SYN3: variants seen among roughly 807,000 people sequenced by gnomAD.
SYN3 encodes the protein synapsin III.
Under a neutral mutation model 65.8 loss-of-function variants are expected in SYN3, and 35 were observed. That is an observed-to-expected ratio of 0.53 (90% CI 0.41 to 0.70). SYN3 has a LOEUF of 0.70. Among genes scored for constraint, SYN3 ranks in the 30% least tolerant of loss-of-function variants. The probability of loss-of-function intolerance (pLI) is 0.00; values close to 1 mark genes in which losing one functional copy is unlikely to be tolerated. For synonymous variants in SYN3, 270 were observed against 292.9 expected, an observed-to-expected ratio of 0.92 and a Z score of 0.80; for missense variants, 680 against 749.0, an observed-to-expected ratio of 0.91 and a Z score of 1.08.
chr22:32,652,847 C>T (rs1197753205), intron 6 of SYN3, among the ~76,000 whole-genome samples: 3 of 152,174 alleles, frequency 2.0e-5, no homozygotes, highest in African/African-American at 7.2e-5. Context: ...CTCCACCCCA[C>T]AGAATTGCCT....
At chr22:33,009,621 A>G (rs1291905771) in intron 1 of SYN3, among the ~76,000 whole-genome samples, 1 of 152,088 alleles carries the variant, frequency 6.6e-6, no homozygotes, top group African/African-American at 2.4e-5. Context: ...CAACTCTTAA[A>G]AAAGTGAATT....
intron 2 of SYN3, among the ~76,000 whole-genome samples, chr22:32,983,753 C>T (rs1379860920): frequency 1.3e-5 from 2 of 152,124 alleles, no homozygotes; most frequent in African/African-American, 4.8e-5. Context: ...GACACCAGGA[C>T]AAGCCCATGT....
chr22:32,619,204 C>T (rs147083630), intron 6 of SYN3, among the ~76,000 whole-genome samples: 5 of 152,142 alleles, frequency 3.3e-5, no homozygotes, highest in Non-Finnish European at 5.9e-5. Context: ...CGTTGAGGTC[C>T]GACAGCACTG....
At chr22:32,886,905 G>A (rs909137424) in intron 4 of SYN3, among the ~76,000 whole-genome samples, 1 of 152,240 alleles carries the variant, frequency 6.6e-6, no homozygotes, top group Non-Finnish European at 1.5e-5. Flanking sequence ...TGCCTCTCAT[G>A]TTCAAGCCCT....
At chr22:32,781,082 A>AT in intron 6 of SYN3, among the ~76,000 whole-genome samples, 1 of 85,492 alleles carries the variant, frequency 1.2e-5, no homozygotes, top group Non-Finnish European at 2.2e-5. Context: ...CCTCCCTTCC[A>AT]TCCTCCCTTC....
chr22:32,927,728 A>G (rs111895171), intron 4 of SYN3, among the ~76,000 whole-genome samples: 1,915 of 152,292 alleles, frequency 0.013, 41 homozygotes, highest in African/African-American at 0.044. Context: ...TGCCCTTCAT[A>G]TAATCTTGCA....
intron 13 of SYN3, among the ~76,000 whole-genome samples, chr22:32,514,997 C>CAG (rs1464808183): frequency 1.3e-5 from 2 of 151,274 alleles, no homozygotes; most frequent in Admixed American, 1.3e-4. Flanking sequence ...GCCTGGGCGA[C>CAG]AGTGAGACTC....
At position 32,509,642 on chromosome 22, in the gene SYN3, C is replaced by T. The variant is rs983201746; in HGVS notation, c.*4050G>A. 2.0e-5 allele frequency among the ~76,000 whole-genome samples: 3 copies of T among 152,062 alleles called. No individual in the cohort carries two copies. Among genetic ancestry groups the T allele is most frequent in the African/African-American group, 7.2e-5 (3 of 41,410 alleles). On this transcript the variant is annotated 3_prime_UTR_variant, in exon 14 of 14. Transcript: ENST00000358763. ...GGAGTGCAGTGGTGCGATCTCGGCT[C>T]ACTGCAAGCTCCGCCTCCCGGGTTC...
At chr22:32,542,654 G>GTGTT (rs1491386638) in intron 7 of SYN3, among the ~76,000 whole-genome samples, 25 of 132,570 alleles carry the variant, frequency 1.9e-4, no homozygotes, top group African/African-American at 6.9e-4. Context: ...GTGTGTGTGT[G>GTGTT]CGCGCGCACA....
chr22:32,884,337 A>G (rs2049230937), intron 4 of SYN3, among the ~76,000 whole-genome samples: 1 of 152,224 alleles, frequency 6.6e-6, no homozygotes, highest in African/African-American at 2.4e-5. Context: ...TTCAAGCCCC[A>G]GTTCTACCAC....
intron 6 of SYN3, among the ~76,000 whole-genome samples, chr22:32,679,048 C>CTTTTT (rs145971116): frequency 0.013 from 1,143 of 85,652 alleles, no homozygotes; most frequent in Non-Finnish European, 0.018. Flanking sequence ...TTGTTTCTTT[C>CTTTTT]TTTTTTTTTT....
chr22:32,993,395 G>A (rs1172622670), intron 2 of SYN3, among the ~76,000 whole-genome samples: 2 of 152,092 alleles, frequency 1.3e-5, no homozygotes, highest in African/African-American at 2.4e-5. Context: ...TTGCTCTGTC[G>A]CCCAGGCTGG....
chr22:32,792,172 G>C (rs73158303), intron 6 of SYN3, among the ~76,000 whole-genome samples: 13,448 of 152,220 alleles, frequency 0.088, 701 homozygotes, highest in Admixed American at 0.16. Flanking sequence ...CTCCCTTTTA[G>C]CACGAGACAG....
At chr22:32,516,859 TC>T (rs1706488831) in intron 13 of SYN3, among the ~76,000 whole-genome samples, 1 of 152,082 alleles carries the variant, frequency 6.6e-6, no homozygotes, top group South Asian at 2.1e-4. Context: ...AGTTATTAAC[TC>T]CTAAGCTTGT....
chr22:32,562,041 A>G (rs907599661), intron 7 of SYN3, among the ~76,000 whole-genome samples: 8 of 152,216 alleles, frequency 5.3e-5, no homozygotes, highest in Non-Finnish European at 1.2e-4. Flanking sequence ...AGTGAAGCCA[A>G]GCATGAGGTG....
chr22:32,856,336 AG>A (rs2048364842), intron 6 of SYN3, among the ~76,000 whole-genome samples: 1 of 152,154 alleles, frequency 6.6e-6, no homozygotes, highest in Admixed American at 6.5e-5. Flanking sequence ...CTGGCTGCAC[AG>A]GAAGGTTTCT....
At chr22:32,600,006 G>A (rs908834087) in intron 6 of SYN3, among the ~76,000 whole-genome samples, 1 of 148,910 alleles carries the variant, frequency 6.7e-6, no homozygotes, top group Non-Finnish European at 1.5e-5. Context: ...TTTTGTGGAA[G>A]AGAATTTTTA....
intron 6 of SYN3, among the ~76,000 whole-genome samples, chr22:32,606,763 T>G (rs975408919): frequency 2.0e-5 from 3 of 152,134 alleles, no homozygotes; most frequent in Non-Finnish European, 4.4e-5. Context: ...TGCAGCGAAG[T>G]CCCTCTCTGC....
chr22:32,660,574 G>C lies in SYN3; in HGVS notation c.712-63838C>G, dbSNP rs1323202193. ...CTGGGGTTAAGGGGCTGGCGGGGAA[G>C]GAATGGTGGTCGGGCAAAGGAAAAT... On this transcript the variant is annotated intron_variant, in intron 6 of 13. Transcript: ENST00000358763. 3.3e-5 allele frequency among the ~76,000 whole-genome samples: 5 copies of C among 152,342 alleles called. No individual in the cohort carries two copies. The East Asian group carries it at 9.6e-4, about 29-fold the overall frequency.
Sources: gnomAD v4.1 joint callset for allele counts (sites outside exome capture counted in the v4.1 genomes callset) on GRCh38, gnomAD v4.1.1 for gene constraint, MANE v1.5 for transcripts, NCBI Gene and HGNC (gene_info 2026-07-23, HGNC 2026-07-21) for gene names.